Variants in TOP3A observed in about 807,000 individuals in gnomAD.
TOP3A encodes the protein DNA topoisomerase III alpha, also known as DNA topoisomerase 3-alpha.
In TOP3A, 64 loss-of-function variants were observed where a neutral mutation model predicts 111.3. The observed-to-expected ratio is 0.57, with a 90% CI of 0.47 to 0.71. The LOEUF (loss-of-function observed/expected upper bound fraction) is 0.71. Ranked by LOEUF, TOP3A falls within the 30% of genes least tolerant of loss-of-function variation. The pLI, the probability that TOP3A is intolerant of heterozygous loss-of-function variation, is 0.00. For missense variants in TOP3A, 1,104 were observed against 1,285.0 expected (o/e 0.86, Z 2.15); for synonymous variants, 484 against 485.1 (o/e 1.00, Z 0.03).
chr17:18,273,580 C>T lies in TOP3A; in HGVS notation c.*1222G>A, dbSNP rs935540614. Among the ~76,000 whole-genome samples, 1 of 152,152 alleles carries T rather than the reference C, an allele frequency of 6.6e-6. No individual in the cohort carries two copies. The highest frequency in any genetic ancestry group is 2.4e-5 in the African/African-American group (1 of 41,446). On this transcript the variant is annotated 3_prime_UTR_variant, in exon 19 of 19. Transcript: ENST00000321105. ...TACCTGTTGCTTCTGCAAATGTTCC[C>T]CAGACCCTCTGCACTCTCGCAGGTC...
chr17:18,285,488 T>G lies in TOP3A; in HGVS notation c.1630A>C (p.Thr544Pro), dbSNP rs1217393329. 6.2e-7 allele frequency: 1 copy of G among 1,613,878 alleles called. No individual in the cohort carries two copies. The highest frequency in any genetic ancestry group is 8.5e-7 in the Non-Finnish European group (1 of 1,180,014). The change falls in exon 14 of 19, where the codon ACC becomes CCC. Residue 544 changes from threonine (T) to proline (P), a missense_variant. Physicochemically the swap from Thr to Pro is conservative, Grantham distance 38. Coordinates refer to ENST00000321105, the MANE Select transcript of TOP3A (RefSeq NM_004618.5). ...TDATHAEHIE[T>P]IKARMYVGLT... ...CCCACGTACATCCGGGCTTTGATGGTCTCGATGTGCTCCGCATGAGTGGCA... is the reference window on the plus strand; with the variant it reads ...CCCACGTACATCCGGGCTTTGATGGGCTCGATGTGCTCCGCATGAGTGGCA...
intron 16 of TOP3A, among the ~76,000 whole-genome samples, chr17:18,281,169 T>C (rs775421896): frequency 1.3e-5 from 2 of 152,188 alleles, no homozygotes; most frequent in Non-Finnish European, 2.9e-5. Context: ...TGGCCAATGT[T>C]TTTCAACACC....
intron 13 of TOP3A, 74 bp from the exon 14 acceptor site, chr17:18,285,594 C>T (rs1555569443): frequency 2.3e-6 from 3 of 1,287,386 alleles, no homozygotes; most frequent in Non-Finnish European, 3.3e-6. Context: ...GGGCACCTTG[C>T]TCACCCCGGA....
In TOP3A at chr17:18,275,031, G is replaced by A. The variant is rs982911103; in HGVS notation, c.2828-51C>T. The stretch of plus-strand genomic sequence containing the variant: ...GAGGTTAGAACTGACATGCAGAAGT[G>A]GCAAGTCCTGAACACGGTGGCTCAT... On this transcript the variant is annotated intron_variant, in intron 18 of 18. Coordinates refer to ENST00000321105, the MANE Select transcript of TOP3A (RefSeq NM_004618.5). 3 of 1,583,718 alleles carry A rather than the reference G, an allele frequency of 1.9e-6. No homozygotes were observed. In the African/African-American group the frequency reaches 4.1e-5, roughly 21 times the overall value.
intron 11 of TOP3A, among the ~76,000 whole-genome samples, chr17:18,291,953 C>T (rs1381829110): frequency 6.6e-6 from 1 of 152,170 alleles, no homozygotes; most frequent in Non-Finnish European, 1.5e-5. Flanking sequence ...ACCTCGTGAT[C>T]TACCCGCCTT....
chr17:18,288,150 A>ATATATATATAT (rs1980235017), intron 13 of TOP3A, among the ~76,000 whole-genome samples: 4 of 78,836 alleles, frequency 5.1e-5, no homozygotes, highest in East Asian at 4.7e-4. Context: ...TATATATATA[A>ATATATATATAT]ATTTTTTTTT....
rs756051499 is a variant in TOP3A, at chr17:18,278,201, C to G, written c.2301G>C (p.Gln767His). The change falls in exon 18 of 19, where the codon CAG becomes CAC. Residue 767 changes from glutamine (Q) to histidine (H), a missense_variant. Transcript: ENST00000321105. Reference sequence around the variant, plus strand: ...CCATCCTGTTCAGGGACTGGTTAGCCTGCAGGCGGCCAGAGGGCTGGCTAG... The same window carrying G: ...CCATCCTGTTCAGGGACTGGTTAGCGTGCAGGCGGCCAGAGGGCTGGCTAG... The part of the protein sequence containing the change: ...PRASQPSGRL[Q>H]ANQSLNRMDN... 1.2e-6 allele frequency: 2 copies of G among 1,605,940 alleles called. No homozygotes were observed. Among genetic ancestry groups the G allele is most frequent in the East Asian group, 4.5e-5 (2 of 44,632 alleles).
chr17:18,289,321 G>GT (rs1357407851), intron 13 of TOP3A, among the ~76,000 whole-genome samples: 1 of 149,026 alleles, frequency 6.7e-6, no homozygotes, highest in African/African-American at 2.5e-5. Context: ...AGCCAGATCT[G>GT]TTTTGTTGTT....
At chr17:18,301,849 G>T (rs574943266) in intron 8 of TOP3A, 36 bp downstream of exon 8, 1 of 1,556,726 alleles carries the variant, frequency 6.4e-7, no homozygotes, top group South Asian at 1.1e-5. Flanking sequence ...TTTGGGAGGT[G>T]TGCAGAATGT....
At chr17:18,279,876 T>C (rs1473344949) in intron 17 of TOP3A, among the ~76,000 whole-genome samples, 5 of 152,056 alleles carry the variant, frequency 3.3e-5, no homozygotes. Flanking sequence ...TTTGGCCAGG[T>C]GCAGTGGCTC....
intron 18 of TOP3A, among the ~76,000 whole-genome samples, chr17:18,277,082 G>A (rs562352352): frequency 6.6e-6 from 1 of 151,756 alleles, no homozygotes; most frequent in Admixed American, 6.6e-5. Flanking sequence ...TACCTGGGAG[G>A]CTGAGGCAGG....
chr17:18,285,801 T>G (rs1273587178), intron 13 of TOP3A, among the ~76,000 whole-genome samples: 2 of 152,232 alleles, frequency 1.3e-5, no homozygotes, highest in African/African-American at 4.8e-5. Context: ...TACTTGCAGC[T>G]TGTGTCCCTA....
intron 10 of TOP3A, among the ~76,000 whole-genome samples, 171 bp downstream of exon 10, chr17:18,294,532 G>A (rs1433488772): frequency 6.6e-6 from 1 of 152,114 alleles, no homozygotes; most frequent in Non-Finnish European, 1.5e-5. Context: ...ATTTCACCAT[G>A]TTGGCCAGGA....
chr17:18,290,418 G>T, intron 13 of TOP3A, 139 bp downstream of exon 13: 1 of 1,050,168 alleles, frequency 9.5e-7, no homozygotes, highest in Non-Finnish European at 1.3e-6. Context: ...TAACCTCTCT[G>T]AGCCTTATTT....
intron 2 of TOP3A, chr17:18,308,655 A>G: frequency 2.1e-6 from 1 of 479,302 alleles, no homozygotes; most frequent in Non-Finnish European, 3.6e-6. Context: ...TTTTCCTCAA[A>G]CTATTGTATA....
In TOP3A at chr17:18,314,962, G is replaced by A; in HGVS notation, c.-184C>T. The A allele has an allele frequency of 8.9e-6, 2 of 224,586 alleles. No homozygotes were observed. Among genetic ancestry groups the A allele is most frequent in the South Asian group, 6.1e-5 (1 of 16,362 alleles). The allele number at this position is 224,586 out of a possible 1,614,324, so 13.9% of individuals were successfully genotyped here. A position where few individuals can be genotyped will look rare whatever the true frequency, so the allele number is the denominator to read the frequency against. ...TTCCCGTGCCGCAGCCGCCGCCTCAGCACCGAATCCAGTATCTTGGCGTGG... is the reference window on the plus strand; with the variant it reads ...TTCCCGTGCCGCAGCCGCCGCCTCAACACCGAATCCAGTATCTTGGCGTGG... On this transcript the variant is annotated 5_prime_UTR_variant, in exon 1 of 19. Transcript: ENST00000321105.
Position 18,271,556 on chromosome 17 carries a change from AG to A in TOP3A, c.*3245del, listed in dbSNP as rs1175562239. ...GCTCCAAGGATGAGGCTGCACACCC[AG>A]GGTGGCAGAAGAGGCCAGGAAGTGG... On this transcript the variant is annotated 3_prime_UTR_variant, in exon 19 of 19. Transcript: ENST00000321105. 4.2e-6 allele frequency: 1 copy of A among 236,686 alleles called. No homozygotes were observed. The highest frequency in any genetic ancestry group is 5.8e-5 in the Admixed American group (1 of 17,274). The allele number at this position is 236,686 out of a possible 1,614,324, so 14.7% of individuals were successfully genotyped here.
At chr17:18,305,486 A>ACGCGCGCGCG (rs34041678) in intron 4 of TOP3A, among the ~76,000 whole-genome samples, 2 of 149,414 alleles carry the variant, frequency 1.3e-5, no homozygotes, top group East Asian at 2.0e-4. Context: ...ACACACACAC[A>ACGCGCGCGCG]CGCGCGCGCG....
At chr17:18,291,718 T>A (rs1980485461) in intron 11 of TOP3A, among the ~76,000 whole-genome samples, 1 of 152,112 alleles carries the variant, frequency 6.6e-6, no homozygotes, top group Admixed American at 6.6e-5. Flanking sequence ...AATGAACATG[T>A]AATTTTTTTT....
Sources: gnomAD v4.1 joint callset for allele counts (sites outside exome capture counted in the v4.1 genomes callset) on GRCh38, gnomAD v4.1.1 for gene constraint, MANE v1.5 for transcripts, NCBI Gene and HGNC (gene_info 2026-07-23, HGNC 2026-07-21) for gene names.